Variants in RUNX1T1 observed in about 807,000 individuals in gnomAD.
RUNX1T1 encodes RUNX1 partner transcriptional co-repressor 1.
A neutral mutation model predicts 62.8 loss-of-function variants in RUNX1T1; 4 were observed. That is an observed-to-expected ratio of 0.06 (90% CI 0.03 to 0.15). The LOEUF is 0.15. Among genes scored for constraint, RUNX1T1 ranks in the 10% least tolerant of loss-of-function variants. The probability of loss-of-function intolerance (pLI) is 1.00; values close to 1 mark genes in which losing one functional copy is unlikely to be tolerated. For synonymous variants in RUNX1T1, 291 were observed against 286.0 expected (o/e 1.02, Z -0.18); for missense variants, 508 against 754.3 (o/e 0.67, Z 3.82).
At chr8:92,022,893 A>G (rs1420416771) in intron 1 of RUNX1T1, among the ~76,000 whole-genome samples, 2 of 152,218 alleles carry the variant, frequency 1.3e-5, no homozygotes, top group Non-Finnish European at 2.9e-5. Context: ...AGCTTAGTCC[A>G]TGTTGCAGAC....
In RUNX1T1 at chr8:92,026,085, T is replaced by A. The variant is rs752282711; in HGVS notation, c.8-8722A>T. Reference sequence around the variant, plus strand: ...TGTGAACCAAAGACATACTTTTTTCTACATTCTACAAGTTTTCTGTTGTTT... The same window carrying A: ...TGTGAACCAAAGACATACTTTTTTCAACATTCTACAAGTTTTCTGTTGTTT... On this transcript the variant is annotated intron_variant, in intron 1 of 10. Transcript: ENST00000396218. 5.3e-5 allele frequency among the ~76,000 whole-genome samples: 8 copies of A among 152,228 alleles called. 1 individual carries two copies. The highest frequency in any genetic ancestry group is 1.9e-4 in the African/African-American group (8 of 41,458).
At chr8:92,098,983 GA>G (rs2130949964) in intron 1 of RUNX1T1, among the ~76,000 whole-genome samples, 1 of 152,158 alleles carries the variant, frequency 6.6e-6, no homozygotes, top group Non-Finnish European at 1.5e-5. Context: ...AATGGCTGTG[GA>G]AAAAAAGTGA....
intron 2 of RUNX1T1, among the ~76,000 whole-genome samples, chr8:92,068,676 C>G (rs1309692777): frequency 6.6e-6 from 1 of 152,144 alleles, no homozygotes; most frequent in Admixed American, 6.5e-5. Context: ...ACTTCACCTT[C>G]TGTTACAGAG....
intron 1 of RUNX1T1, among the ~76,000 whole-genome samples, chr8:92,045,472 G>A (rs987477527): frequency 1.3e-5 from 2 of 152,136 alleles, no homozygotes; most frequent in African/African-American, 2.4e-5. Flanking sequence ...AGTTCTTCCT[G>A]CTTTCTTATT....
intron 1 of RUNX1T1, among the ~76,000 whole-genome samples, chr8:92,060,547 A>ATGTGTGTGTGTGTGTG (rs1394920440): frequency 9.7e-6 from 1 of 102,794 alleles, no homozygotes; most frequent in African/African-American, 3.6e-5. Context: ...ATATATATAT[A>ATGTGTGTGTGTGTGTG]TATATATGTG....
At chr8:92,063,890 C>A (rs1832459380), upstream of RUNX1T1, among the ~76,000 whole-genome samples, 1 of 152,184 alleles carries the variant, frequency 6.6e-6, no homozygotes, top group Non-Finnish European at 1.5e-5. Context: ...GAAACAATTC[C>A]ACTCAGGGTC....
intron 1 of RUNX1T1, among the ~76,000 whole-genome samples, chr8:92,053,318 A>G (rs1419063781): frequency 6.6e-6 from 1 of 152,150 alleles, no homozygotes; most frequent in African/African-American, 2.4e-5. Context: ...TCTCTTTGCT[A>G]AAATCTTACC....
chr8:92,069,408 T>TAA (rs376981215), intron 2 of RUNX1T1, among the ~76,000 whole-genome samples: 15 of 146,728 alleles, frequency 1.0e-4, no homozygotes, highest in African/African-American at 9.9e-5. Context: ...TACACAGCAA[T>TAA]AAAAAAAAAA....
intron 2 of RUNX1T1, among the ~76,000 whole-genome samples, chr8:92,073,536 ACAACTCCAAAACTCT>A (rs1168416782): frequency 6.6e-6 from 1 of 152,140 alleles, no homozygotes; most frequent in Non-Finnish European, 1.5e-5. Flanking sequence ...CTTCTAAATT[ACAACTCCAAAACTCT>A]AAGAGCCCAA....
At chr8:91,976,376 T>A (rs1457584219) in intron 8 of RUNX1T1, among the ~76,000 whole-genome samples, 1 of 152,206 alleles carries the variant, frequency 6.6e-6, no homozygotes, top group African/African-American at 2.4e-5. Context: ...GTTCAGGTAA[T>A]GTAATTTCCA....
intron 10 of RUNX1T1, among the ~76,000 whole-genome samples, chr8:91,965,383 T>A (rs1811360791): frequency 6.6e-6 from 1 of 152,172 alleles, no homozygotes; most frequent in Non-Finnish European, 1.5e-5. Flanking sequence ...ATACAATAAC[T>A]TCTTCTGCTG....
At chr8:92,102,873 G>C (rs1247999361), upstream of RUNX1T1, 3 of 1,521,796 alleles carry the variant, frequency 2.0e-6, no homozygotes, top group Non-Finnish European at 2.6e-6. The surrounding 1 kb of genome is among the most constrained non-coding windows in gnomAD (Gnocchi z 4.5). Context: ...CAGGGCCGGA[G>C]AGTCCCACCA....
chr8:91,970,793 C>T (rs771841644), exon 10 of RUNX1T1: 2 of 1,613,296 alleles, frequency 1.2e-6, no homozygotes, highest in Non-Finnish European at 8.5e-7. Context: ...CCGCCTCAGA[C>T]ACGGCCTTCT....
At position 91,959,817 on chromosome 8, in the gene RUNX1T1, A is replaced by G. The variant is rs751286372; in HGVS notation, c.*425T>C. The G allele has an allele frequency of 1.3e-4, 33 of 261,448 alleles. No homozygotes were observed. The Middle Eastern group carries it at 3.6e-3, about 29-fold the overall frequency. 16.2% of individuals were successfully genotyped at this position (261,448 alleles called of 1,614,324 possible). ...CTCTTTTTTTTTTTTCCATTATTGT[A>G]TATAAAGAACATTGTGACTTTTAAT... On this transcript the variant is annotated 3_prime_UTR_variant, in exon 11 of 11. Coordinates refer to ENST00000396218, the Ensembl canonical transcript of RUNX1T1.
chr8:92,056,412 C>T (rs1831043770), intron 1 of RUNX1T1, among the ~76,000 whole-genome samples: 1 of 152,148 alleles, frequency 6.6e-6, no homozygotes, highest in Non-Finnish European at 1.5e-5. Flanking sequence ...ATCATGTTCT[C>T]ATAGGTACTT....
intron 1 of RUNX1T1, among the ~76,000 whole-genome samples, chr8:92,047,078 G>C (rs1381094235): frequency 6.6e-6 from 1 of 152,120 alleles, no homozygotes; most frequent in East Asian, 1.9e-4. Context: ...ATTGGACAGG[G>C]AAGTCCTGAC....
In RUNX1T1 at chr8:92,037,698, T is replaced by TA. The variant is rs1441196949; in HGVS notation, c.8-20336dup. On this transcript the variant is annotated intron_variant, in intron 1 of 10. Coordinates refer to ENST00000396218, the Ensembl canonical transcript of RUNX1T1. ...TCTCAAAAAAAATAAATTTAAAAAG[T>TA]AAAAAAAATCCTCTGCTTTAAAAGC... Among the ~76,000 whole-genome samples, 10 of 151,634 alleles carry TA rather than the reference T, an allele frequency of 6.6e-5. No homozygotes were observed. In the East Asian group the frequency reaches 7.8e-4, roughly 12 times the overall value.
intron 1 of RUNX1T1, among the ~76,000 whole-genome samples, chr8:92,038,550 C>T (rs1480833153): frequency 2.0e-5 from 3 of 152,142 alleles, no homozygotes; most frequent in East Asian, 3.9e-4. Flanking sequence ...AAATGAAGAA[C>T]GAAGGCTTTC....
At position 91,980,910 on chromosome 8, in the gene RUNX1T1, G is replaced by C. The variant is rs116823756; in HGVS notation, c.1199-4937C>G. 9.7e-3 allele frequency among the ~76,000 whole-genome samples: 1,469 copies of C among 152,064 alleles called. 17 individuals carry two copies. The highest frequency in any genetic ancestry group is 0.033 in the African/African-American group (1,381 of 41,466). ...TGGTCTCAAACTCCTGGACTCAAGGGATCCTCTCACCTCAGCCTCCCAAAG... is the reference window on the plus strand; with the variant it reads ...TGGTCTCAAACTCCTGGACTCAAGGCATCCTCTCACCTCAGCCTCCCAAAG... On this transcript the variant is annotated intron_variant, in intron 8 of 10. Transcript: ENST00000396218.
Sources: allele counts gnomAD v4.1 joint callset (sites outside exome capture counted in the v4.1 genomes callset), GRCh38; gene constraint gnomAD v4.1.1; non-coding constraint Gnocchi (gnomAD v3.1); transcripts MANE v1.5; gene names NCBI Gene and HGNC (gene_info 2026-07-23, HGNC 2026-07-21).